Variants in PGPEP1L observed in about 807,000 individuals in gnomAD.
The protein encoded by PGPEP1L is pyroglutamyl-peptidase 1-like protein.
In PGPEP1L, 7 loss-of-function variants were observed where a neutral mutation model predicts 6.0. The observed-to-expected ratio is 1.17, with a 90% CI of 0.66 to 2.19. The LOEUF (loss-of-function observed/expected upper bound fraction) is 2.19. PGPEP1L is among the 30% of genes most tolerant of loss of function. PGPEP1L has a pLI of 0.00. For synonymous variants in PGPEP1L, 103 were observed against 83.9 expected (o/e 1.23, Z -1.24); for missense variants, 209 against 192.5 (o/e 1.09, Z -0.51).
chr15:99,004,642 C>CCGG, intron 2 of PGPEP1L, among the ~76,000 whole-genome samples: 1 of 152,138 alleles, frequency 6.6e-6, no homozygotes, highest in Non-Finnish European at 1.5e-5. Flanking sequence ...CGCTTGAACC[C>CCGG]AGGAGGCGGA....
chr15:99,006,965 G>A (rs1555473729), intron 1 of PGPEP1L, among the ~76,000 whole-genome samples: 3 of 152,216 alleles, frequency 2.0e-5, no homozygotes, highest in South Asian at 2.1e-4. Flanking sequence ...CCTCTAGAGA[G>A]CTCAGTGTGA....
At chr15:98,974,244 T>TAAA (rs2017537143) in intron 2 of PGPEP1L, among the ~76,000 whole-genome samples, 1 of 152,068 alleles carries the variant, frequency 6.6e-6, no homozygotes, top group African/African-American at 2.4e-5. Context: ...CTAGGCCTGC[T>TAAA]GGCGCACGCC....
chr15:98,985,801 A>G (rs1211421616), intron 2 of PGPEP1L, among the ~76,000 whole-genome samples: 1 of 152,242 alleles, frequency 6.6e-6, no homozygotes, highest in Admixed American at 6.5e-5. Context: ...GAAAGCAGGA[A>G]GAATTCAATG....
chr15:98,990,398 A>T (rs1213096480), intron 2 of PGPEP1L, among the ~76,000 whole-genome samples: 1 of 152,232 alleles, frequency 6.6e-6, no homozygotes, highest in Non-Finnish European at 1.5e-5. Flanking sequence ...GGATCAATGC[A>T]ACAAGAAGAG....
chr15:98,971,305 G>C, intron 2 of PGPEP1L, 147 bp from the exon 3 acceptor site: 2 of 1,159,332 alleles, frequency 1.7e-6, no homozygotes, highest in South Asian at 3.1e-5. Flanking sequence ...TCACAAAGTG[G>C]CAAGGGGCCA....
chr15:99,001,410 G>A (rs552176027), intron 2 of PGPEP1L: 2 of 173,264 alleles, frequency 1.2e-5, no homozygotes, highest in Non-Finnish European at 2.5e-5. Flanking sequence ...TGTGTTGTGG[G>A]GGGACGTGAG....
chr15:98,995,344 T>C (rs2017873238), intron 2 of PGPEP1L, among the ~76,000 whole-genome samples: 1 of 152,150 alleles, frequency 6.6e-6, no homozygotes, highest in Non-Finnish European at 1.5e-5. Flanking sequence ...TATCTATATG[T>C]ATATCTAATC....
chr15:98,984,476 T>C (rs1358321982), intron 2 of PGPEP1L, among the ~76,000 whole-genome samples: 1 of 152,110 alleles, frequency 6.6e-6, no homozygotes, highest in Non-Finnish European at 1.5e-5. Flanking sequence ...CACAGGACCC[T>C]AGAGACAGTG....
At chr15:98,994,369 A>G (rs1489311412) in intron 2 of PGPEP1L, among the ~76,000 whole-genome samples, 1 of 151,484 alleles carries the variant, frequency 6.6e-6, no homozygotes, top group African/African-American at 2.4e-5. Context: ...ACAAGAAGCT[A>G]CTGGCCCGGC....
chr15:98,993,636 CAG>C (rs1351809722), intron 2 of PGPEP1L, among the ~76,000 whole-genome samples: 6 of 53,644 alleles, frequency 1.1e-4, no homozygotes, highest in South Asian at 6.0e-4. Flanking sequence ...CACATGGACA[CAG>C]GGGTGGGGGT....
chr15:98,982,786 C>G lies in PGPEP1L; in HGVS notation c.-141-11628G>C, dbSNP rs530040302. On this transcript the variant is annotated intron_variant, in intron 2 of 4. Coordinates refer to ENST00000535714, the MANE Select transcript of PGPEP1L (RefSeq NM_001167902.2). ...AGTGCGGGGGCATGATCTTGGCTCA[C>G]TGCAACCTCCGCCTCCCGGGTTTGA... Among the ~76,000 whole-genome samples the G allele has an allele frequency of 2.0e-3, 282 of 141,808 alleles. 1 individual carries two copies. Among genetic ancestry groups the G allele is most frequent in the African/African-American group, 6.8e-3 (267 of 39,026 alleles). 93.0% of individuals were successfully genotyped at this position (141,808 alleles called of 152,430 possible). A position where few individuals can be genotyped will look rare whatever the true frequency, so the allele number is the denominator to read the frequency against.
At chr15:98,988,299 T>TG (rs1187031341) in intron 2 of PGPEP1L, among the ~76,000 whole-genome samples, 2 of 151,820 alleles carry the variant, frequency 1.3e-5, no homozygotes, top group African/African-American at 4.8e-5. Flanking sequence ...TTGAGCTTGG[T>TG]GGGGGGGAGG....
chr15:98,978,468 T>C (rs1405911013), intron 2 of PGPEP1L, among the ~76,000 whole-genome samples: 1 of 152,114 alleles, frequency 6.6e-6, no homozygotes. Flanking sequence ...TGTAATGTAA[T>C]GCTGACATTT....
intron 2 of PGPEP1L, among the ~76,000 whole-genome samples, chr15:98,974,684 GTTGA>G (rs1453277714): frequency 2.6e-5 from 4 of 152,310 alleles, no homozygotes; most frequent in African/African-American, 7.2e-5. Context: ...ATCACCTGAA[GTTGA>G]GAGTTCAAGA....
At chr15:98,988,091 G>GT (rs2017772643) in intron 2 of PGPEP1L, among the ~76,000 whole-genome samples, 1 of 152,198 alleles carries the variant, frequency 6.6e-6, no homozygotes, top group Admixed American at 6.5e-5. Flanking sequence ...AGCTGCAGGA[G>GT]TTTATTTTTT....
chr15:98,991,316 A>G (rs1555472028), intron 2 of PGPEP1L, among the ~76,000 whole-genome samples: 1 of 152,234 alleles, frequency 6.6e-6, no homozygotes, highest in Non-Finnish European at 1.5e-5. Context: ...ACCATCAGAG[A>G]ATACTATAAA....
At chr15:98,984,832 TACC>T (rs1158483873) in intron 2 of PGPEP1L, among the ~76,000 whole-genome samples, 1 of 151,652 alleles carries the variant, frequency 6.6e-6, no homozygotes, top group Non-Finnish European at 1.5e-5. Context: ...CAGACGAAAA[TACC>T]ACCAAGAAGG....
In PGPEP1L at chr15:98,979,018, G is replaced by A. The variant is rs567994005; in HGVS notation, c.-141-7860C>T. Among the ~76,000 whole-genome samples the A allele has an allele frequency of 3.4e-4, 44 of 129,534 alleles. 1 individual carries two copies. In the South Asian group the frequency reaches 3.8e-3, roughly 11 times the overall value. 85.0% of individuals were successfully genotyped at this position (129,534 alleles called of 152,430 possible). A position where few individuals can be genotyped will look rare whatever the true frequency, so the allele number is the denominator to read the frequency against. On this transcript the variant is annotated intron_variant, in intron 2 of 4. Coordinates refer to ENST00000535714, the MANE Select transcript of PGPEP1L (RefSeq NM_001167902.2). ...GCCGGGATTACAGGTGTGAGCCGCC[G>A]CGCCTGGCTACAGGATATATATATA...
intron 2 of PGPEP1L, among the ~76,000 whole-genome samples, chr15:98,983,733 A>G (rs1233975063): frequency 2.0e-5 from 3 of 152,230 alleles, no homozygotes; most frequent in East Asian, 1.9e-4. Flanking sequence ...CACATACTGC[A>G]AACAGCATTA....
Sources: gnomAD v4.1 joint callset for allele counts (sites outside exome capture counted in the v4.1 genomes callset) on GRCh38, gnomAD v4.1.1 for gene constraint, MANE v1.5 for transcripts, NCBI Gene and HGNC (gene_info 2026-07-23, HGNC 2026-07-21) for gene names.